Variants in OTC observed in about 807,000 individuals in gnomAD.
OTC encodes the protein ornithine transcarbamylase.
A neutral mutation model predicts 30.3 loss-of-function variants in OTC; 3 were observed. The ratio of observed to expected loss-of-function variants is 0.10; its 90% CI spans 0.05 to 0.26. The LOEUF is 0.26. OTC is among the 10% of genes least tolerant of loss of function. The pLI is 1.00. For missense variants in OTC, 194 were observed against 260.3 expected (o/e 0.75, Z 1.75); for synonymous variants, 111 against 99.7 (o/e 1.11, Z -0.67).
the OTC span, among the ~76,000 whole-genome samples, chrX:38,330,802 G>A: frequency 2.7e-5 from 3 of 111,857 alleles, no homozygotes; most frequent in Admixed American, 9.5e-5. Flanking sequence ...TTTGCAATGA[G>A]GCCACATGAC....
At chrX:38,351,413 G>T (rs2068215041), upstream of OTC, among the ~76,000 whole-genome samples, 1 of 111,270 alleles carries the variant, frequency 9.0e-6, no homozygotes, top group African/African-American at 3.3e-5. Flanking sequence ...ACCTTAGAGG[G>T]CTCCCGCTTC....
chrX:38,386,381 A>AT (rs1445291492), intron 4 of OTC, among the ~76,000 whole-genome samples: 282 of 77,908 alleles, frequency 3.6e-3, no homozygotes, highest in African/African-American at 0.012. Context: ...TCAAAAAAAA[A>AT]AAAAAATATA....
chrX:38,351,259 T>G (rs193034890), upstream of OTC, among the ~76,000 whole-genome samples: 36 of 111,915 alleles, frequency 3.2e-4, no homozygotes, highest in African/African-American at 1.1e-3. Flanking sequence ...GCTCCTGAGG[T>G]GGCCATAGTT....
chrX:38,404,186 C>G (rs1224630617), intron 6 of OTC, among the ~76,000 whole-genome samples: 1 of 112,287 alleles, frequency 8.9e-6, no homozygotes, highest in East Asian at 2.8e-4. Context: ...GTGATGGCAT[C>G]TACACCAGCT....
In OTC at chrX:38,352,672, T is replaced by C. The variant is rs1193739068; in HGVS notation, c.-25T>C. 8.7e-7 allele frequency: 1 copy of C among 1,144,352 alleles called. No individual in the cohort carries two copies. Among genetic ancestry groups the C allele is most frequent in the Admixed American group, 2.2e-5 (1 of 45,933 alleles). The allele number at this position is 1,144,352 out of a possible 1,213,427, so 94.3% of individuals were successfully genotyped here. A position where few individuals can be genotyped will look rare whatever the true frequency, so the allele number is the denominator to read the frequency against. Reference sequence around the variant, plus strand: ...CTGTGGAGTTTTCAAGGGCATAGAATCGTCCTTTACACAATTAAAAGAAGA... The same window carrying C: ...CTGTGGAGTTTTCAAGGGCATAGAACCGTCCTTTACACAATTAAAAGAAGA... On this transcript the variant is annotated 5_prime_UTR_variant, in exon 1 of 10. Coordinates refer to ENST00000039007, the MANE Select transcript of OTC (RefSeq NM_000531.6).
rs72558452 is a variant in OTC, at chrX:38,408,971, AGAG to A, written c.817_819del (p.Glu273del). The A allele has an allele frequency of 4.2e-6, 5 of 1,197,693 alleles. No homozygotes were observed. The highest frequency in any genetic ancestry group is 2.3e-6 in the Non-Finnish European group (2 of 885,611). ...ACACTTGGATAAGCATGGGACAAGA[AGAG>A]GAGAAGAAAAAGCGGCTCCAGGCTT... is the stretch of plus-strand genomic sequence containing the variant. On this transcript the variant is annotated inframe_deletion, in exon 8 of 10. Coordinates refer to ENST00000039007, the MANE Select transcript of OTC (RefSeq NM_000531.6).
Position 38,367,545 on chromosome X carries a change from A to G in OTC, c.216+116A>G, listed in dbSNP as rs765320956. Reference sequence around the variant, plus strand: ...AAAATTCTTAAACAGTAGCTAAGTAATGAAACCTCACAGTCAAGGTAATTG... The same window carrying G: ...AAAATTCTTAAACAGTAGCTAAGTAGTGAAACCTCACAGTCAAGGTAATTG... On this transcript the variant is annotated intron_variant, in intron 2 of 9. Transcript: ENST00000039007. The G allele has an allele frequency of 3.4e-4, 205 of 606,067 alleles. No homozygotes were observed. The African/African-American group carries it at 4.2e-3, about 12-fold the overall frequency. The allele number at this position is 606,067 out of a possible 1,213,427, so 49.9% of individuals were successfully genotyped here. A position where few individuals can be genotyped will look rare whatever the true frequency, so the allele number is the denominator to read the frequency against.
chrX:38,387,847 C>A (rs923914952), intron 4 of OTC, among the ~76,000 whole-genome samples: 1 of 111,569 alleles, frequency 9.0e-6, no homozygotes, highest in Non-Finnish European at 1.9e-5. Context: ...GGGACTGGTA[C>A]AAAAGTGCCC....
intron 4 of OTC, among the ~76,000 whole-genome samples, chrX:38,392,118 T>A (rs769306914): frequency 9.4e-4 from 105 of 112,116 alleles, no homozygotes; most frequent in Non-Finnish European, 1.6e-3. Flanking sequence ...TGTTTTAACT[T>A]GTTAATCATT....
At chrX:38,382,797 G>A (rs181268883) in intron 4 of OTC, among the ~76,000 whole-genome samples, 2 of 112,230 alleles carry the variant, frequency 1.8e-5, no homozygotes, top group East Asian at 2.8e-4. Context: ...GTGAAAGATG[G>A]TGAATGAGTC....
intron 4 of OTC, among the ~76,000 whole-genome samples, chrX:38,398,473 A>G (rs1429932625): frequency 8.9e-6 from 1 of 111,970 alleles, no homozygotes; most frequent in African/African-American, 3.2e-5. Context: ...TCTGGCTATG[A>G]GATTCCAGAA....
chrX:38,407,787 C>T (rs182494993), intron 6 of OTC, among the ~76,000 whole-genome samples: 17 of 112,087 alleles, frequency 1.5e-4, no homozygotes, highest in Admixed American at 3.8e-4. Flanking sequence ...TGCTCTTAAT[C>T]AGCTTTGACT....
intron 1 of OTC, among the ~76,000 whole-genome samples, chrX:38,362,928 G>A (rs2068279092): frequency 8.9e-6 from 1 of 112,152 alleles, no homozygotes; most frequent in Non-Finnish European, 1.9e-5. Context: ...ATTTCTCTGA[G>A]ATTCAACAAG....
chrX:38,381,184 A>G (rs369235979), intron 3 of OTC, among the ~76,000 whole-genome samples, 158 bp from the exon 4 acceptor site: 1 of 112,769 alleles, frequency 8.9e-6, no homozygotes, highest in East Asian at 2.8e-4. Flanking sequence ...ACTTCCCTCA[A>G]TTCCTCATTT....
the OTC span, among the ~76,000 whole-genome samples, chrX:38,331,576 G>A: frequency 1.9e-5 from 2 of 106,233 alleles, no homozygotes; most frequent in East Asian, 5.9e-4. Context: ...GAGCCACCAC[G>A]CCTGTCCTAT....
At chrX:38,371,400 A>G (rs1364237983) in intron 3 of OTC, among the ~76,000 whole-genome samples, 1 of 111,930 alleles carries the variant, frequency 8.9e-6, no homozygotes, top group East Asian at 2.8e-4. Flanking sequence ...ACTTGAATCA[A>G]TAATATGACT....
chrX:38,375,287 T>C (rs56889020), intron 3 of OTC, among the ~76,000 whole-genome samples: 1 of 112,117 alleles, frequency 8.9e-6, no homozygotes, highest in African/African-American at 3.2e-5. Flanking sequence ...GAAAAACAAG[T>C]GCACCAATAT....
rs2068227133 is a variant in OTC at position 38,353,366 on chromosome X, A to G, written c.77+593A>G. ...TTACAACCATTGTGCATGTGGTTGA[A>G]GATGGCATGGAGTGTGTCTGTGGGG... On this transcript the variant is annotated intron_variant, in intron 1 of 9. Coordinates refer to ENST00000039007, the MANE Select transcript of OTC (RefSeq NM_000531.6). Among the ~76,000 whole-genome samples the G allele has an allele frequency of 5.1e-5, 5 of 98,991 alleles. No individual in the cohort carries two copies. In the South Asian group the frequency reaches 1.6e-3, roughly 31 times the overall value. 86.0% of individuals were successfully genotyped at this position (98,991 alleles called of 115,157 possible).
In OTC at chrX:38,367,708, C is replaced by CATTT. The variant is rs200633699; in HGVS notation, c.216+303_216+306dup. ...CCTAAGAAATCATTTGTCTGAAAAGCATTTATTTATTTATTTATTTATTTA... is the reference window on the plus strand; with the variant it reads ...CCTAAGAAATCATTTGTCTGAAAAGCATTTATTTATTTATTTATTTATTTATTTA... On this transcript the variant is annotated intron_variant, in intron 2 of 9. Transcript: ENST00000039007. 0.15 allele frequency among the ~76,000 whole-genome samples: 15,924 copies of CATTT among 108,631 alleles called. 1,381 individuals are homozygous for CATTT. Among genetic ancestry groups the CATTT allele is most frequent in the Middle Eastern group, 0.26 (54 of 211 alleles). 94.3% of individuals were successfully genotyped at this position (108,631 alleles called of 115,157 possible).
Sources: gnomAD v4.1 joint callset for allele counts (sites outside exome capture counted in the v4.1 genomes callset) on GRCh38, gnomAD v4.1.1 for gene constraint, MANE v1.5 for transcripts, NCBI Gene and HGNC (gene_info 2026-07-23, HGNC 2026-07-21) for gene names.